SLC24A2: variants seen among roughly 807,000 people sequenced by gnomAD.
The protein encoded by SLC24A2 is solute carrier family 24 member 2.
Under a neutral mutation model 62.0 loss-of-function variants are expected in SLC24A2, and 36 were observed. That is an observed-to-expected ratio of 0.58 (90% CI 0.44 to 0.77). SLC24A2 has a LOEUF of 0.77. Ranked by LOEUF, SLC24A2 falls within the 30% of genes least tolerant of loss-of-function variation. SLC24A2 has a pLI of 0.00. For synonymous variants in SLC24A2, 358 were observed against 294.0 expected (o/e 1.22, Z -2.23); for missense variants, 846 against 817.9 (o/e 1.03, Z -0.42).
chr9:19,782,450 C>G (rs1823045303), intron 2 of SLC24A2, among the ~76,000 whole-genome samples: 1 of 152,152 alleles, frequency 6.6e-6, no homozygotes, highest in East Asian at 1.9e-4. Context: ...AATAAAATCT[C>G]AGGATGAAAT....
At chr9:19,910,895 T>TC in the SLC24A2 span, among the ~76,000 whole-genome samples, 50 of 40,322 alleles carry the variant, frequency 1.2e-3, no homozygotes, top group Admixed American at 0.014. Context: ...CCTTTTTTTT[T>TC]TCTTTTCTTT....
intron 10 of SLC24A2, among the ~76,000 whole-genome samples, chr9:19,519,556 T>C (rs552894574): frequency 6.6e-6 from 1 of 152,310 alleles, no homozygotes; most frequent in South Asian, 2.1e-4. Flanking sequence ...CATACACCTT[T>C]TAAGGCATTC....
the SLC24A2 span, among the ~76,000 whole-genome samples, chr9:19,844,682 GTTAATTTTT>G: frequency 3.3e-5 from 5 of 152,008 alleles, no homozygotes; most frequent in African/African-American, 1.2e-4. Context: ...TCCATCTTGA[GTTAATTTTT>G]TTATATGGTG....
the SLC24A2 span, among the ~76,000 whole-genome samples, chr9:19,956,258 G>C: frequency 6.6e-6 from 1 of 152,236 alleles, no homozygotes; most frequent in African/African-American, 2.4e-5. Context: ...GTCTAAACTA[G>C]TCAGTGAACA....
chr9:19,889,264 T>C, the SLC24A2 span, among the ~76,000 whole-genome samples: 2 of 152,190 alleles, frequency 1.3e-5, no homozygotes, highest in Admixed American at 1.3e-4. Context: ...GCCAGTACAG[T>C]GGGTGTGTCT....
chr9:19,837,027 AC>A, the SLC24A2 span, among the ~76,000 whole-genome samples: 18 of 152,214 alleles, frequency 1.2e-4, 1 homozygote, highest in East Asian at 2.3e-3. Flanking sequence ...AAATTCAACA[AC>A]CCTTCATGCT....
chr9:19,878,980 G>A, the SLC24A2 span, among the ~76,000 whole-genome samples: 3 of 152,024 alleles, frequency 2.0e-5, no homozygotes, highest in Non-Finnish European at 2.9e-5. Flanking sequence ...AAACATGTTG[G>A]ACTTCTCTTT....
chr9:20,122,051 C>T, the SLC24A2 span, among the ~76,000 whole-genome samples: 2 of 152,186 alleles, frequency 1.3e-5, no homozygotes, highest in Admixed American at 6.5e-5. Flanking sequence ...GGGCATTTCA[C>T]TGAGATGAGC....
intron 4 of SLC24A2, among the ~76,000 whole-genome samples, chr9:19,606,658 G>A (rs200178811): frequency 5.3e-5 from 8 of 151,378 alleles, no homozygotes; most frequent in Non-Finnish European, 7.4e-5. Context: ...ACACACACAC[G>A]CACACACACA....
the SLC24A2 span, among the ~76,000 whole-genome samples, chr9:20,089,803 G>A: frequency 1.3e-5 from 2 of 151,000 alleles, no homozygotes; most frequent in African/African-American, 4.9e-5. Context: ...GCACACCACA[G>A]CATACCACAG....
the SLC24A2 span, among the ~76,000 whole-genome samples, chr9:19,982,640 C>T: frequency 1.3e-5 from 2 of 152,080 alleles, no homozygotes; most frequent in Non-Finnish European, 2.9e-5. Context: ...TTCTCAAATG[C>T]GTCTGAAAAA....
At chr9:19,789,403 G>T (rs189489509), upstream of SLC24A2, among the ~76,000 whole-genome samples, 1 of 152,334 alleles carries the variant, frequency 6.6e-6, no homozygotes, top group Admixed American at 6.5e-5. Flanking sequence ...TTTAGGAGGC[G>T]ATGTGATGTG....
the SLC24A2 span, among the ~76,000 whole-genome samples, chr9:20,061,813 T>C: frequency 1.3e-5 from 2 of 151,518 alleles, no homozygotes; most frequent in Non-Finnish European, 2.9e-5. Context: ...GCACAAGCCA[T>C]TAAAAAAAAA....
chr9:20,027,489 G>A, the SLC24A2 span, among the ~76,000 whole-genome samples: 1 of 152,122 alleles, frequency 6.6e-6, no homozygotes, highest in Non-Finnish European at 1.5e-5. Flanking sequence ...ATGAAATCCT[G>A]CTGTTTGTGA....
At chr9:20,282,367 A>G in the SLC24A2 span, among the ~76,000 whole-genome samples, 1 of 152,178 alleles carries the variant, frequency 6.6e-6, no homozygotes, top group Non-Finnish European at 1.5e-5. Flanking sequence ...CTAATTTCAA[A>G]AATTTGAAAG....
At chr9:20,067,528 C>T in the SLC24A2 span, among the ~76,000 whole-genome samples, 1 of 152,034 alleles carries the variant, frequency 6.6e-6, no homozygotes, top group Non-Finnish European at 1.5e-5. Flanking sequence ...TTTCTACTCA[C>T]ACTCTCTCTC....
At chr9:19,602,684 G>A (rs1405140133) in intron 4 of SLC24A2, among the ~76,000 whole-genome samples, 5 of 152,070 alleles carry the variant, frequency 3.3e-5, no homozygotes, top group Non-Finnish European at 7.4e-5. Flanking sequence ...TGTGTTCTGG[G>A]GTCCAACAAT....
At chr9:19,666,476 G>T (rs552269169) in intron 2 of SLC24A2, among the ~76,000 whole-genome samples, 113 of 152,318 alleles carry the variant, frequency 7.4e-4, no homozygotes, top group African/African-American at 2.6e-3. Flanking sequence ...TGTGGGAGAA[G>T]TGTAGGGAAA....
the SLC24A2 span, among the ~76,000 whole-genome samples, chr9:20,038,083 G>A: frequency 6.6e-6 from 1 of 152,148 alleles, no homozygotes; most frequent in African/African-American, 2.4e-5. Flanking sequence ...GCTCTTTGGG[G>A]TCATCTTAAT....
Sources: allele counts gnomAD v4.1 joint callset (sites outside exome capture counted in the v4.1 genomes callset), GRCh38; gene constraint gnomAD v4.1.1; transcripts MANE v1.5; gene names NCBI Gene and HGNC (gene_info 2026-07-23, HGNC 2026-07-21).